Variants in BMAL2 observed in about 807,000 individuals in gnomAD.
The protein encoded by BMAL2 is basic helix-loop-helix ARNT-like protein 2.
chr12:27,372,955 G>C, the BMAL2 span, among the ~76,000 whole-genome samples: 1 of 152,180 alleles, frequency 6.6e-6, no homozygotes, highest in East Asian at 1.9e-4. Context: ...TTACAGGCGT[G>C]AGCCACTGCG....
chr12:27,333,513 TTTC>T, the BMAL2 span, among the ~76,000 whole-genome samples: 1 of 152,258 alleles, frequency 6.6e-6, no homozygotes, highest in African/African-American at 2.4e-5. Flanking sequence ...ACTTCCTATA[TTTC>T]TTCTTTCTTT....
chr12:27,420,471 T>C, the BMAL2 span: 1 of 1,613,800 alleles, frequency 6.2e-7, no homozygotes, highest in Non-Finnish European at 8.5e-7. Context: ...ATGAATTACT[T>C]AGAAGCAGAG....
chr12:27,406,543 C>T, the BMAL2 span, among the ~76,000 whole-genome samples: 2 of 152,150 alleles, frequency 1.3e-5, no homozygotes, highest in African/African-American at 4.8e-5. Context: ...CAAGCAAATG[C>T]TGAGAAATTT....
the BMAL2 span, among the ~76,000 whole-genome samples, chr12:27,361,357 A>T: frequency 6.6e-6 from 1 of 152,214 alleles, no homozygotes; most frequent in Middle Eastern, 3.2e-3. Context: ...GTGGAGTGAG[A>T]TTTAATGCTA....
At chr12:27,376,210 C>A in the BMAL2 span, 1 of 722,688 alleles carries the variant, frequency 1.4e-6, no homozygotes, top group Admixed American at 2.7e-5. Context: ...ATTAGGTGCT[C>A]AAGGGAGCAT....
At chr12:27,336,537 C>T in the BMAL2 span, among the ~76,000 whole-genome samples, 24 of 152,280 alleles carry the variant, frequency 1.6e-4, no homozygotes, top group South Asian at 5.0e-3. Flanking sequence ...CCTGCCGCAC[C>T]CTGTTTCCTT....
the BMAL2 span, among the ~76,000 whole-genome samples, chr12:27,348,815 A>G: frequency 4.3e-4 from 65 of 152,230 alleles, 1 homozygote; most frequent in African/African-American, 1.4e-3. Flanking sequence ...ATAAGAACAC[A>G]TGGTTCCTGC....
the BMAL2 span, chr12:27,402,486 T>C: frequency 3.1e-6 from 2 of 646,952 alleles, no homozygotes; most frequent in Non-Finnish European, 5.1e-6. Context: ...CTGGTGGTGA[T>C]ACTAACAATA....
chr12:27,340,832 T>C, the BMAL2 span, among the ~76,000 whole-genome samples: 2 of 152,214 alleles, frequency 1.3e-5, no homozygotes, highest in Non-Finnish European at 2.9e-5. Flanking sequence ...CCCTCCCTGT[T>C]AACTGTATTC....
chr12:27,339,776 C>T, the BMAL2 span, among the ~76,000 whole-genome samples: 26 of 152,058 alleles, frequency 1.7e-4, no homozygotes, highest in Non-Finnish European at 3.4e-4. Flanking sequence ...AGGTGCACGC[C>T]GCCATAATAG....
the BMAL2 span, among the ~76,000 whole-genome samples, chr12:27,369,873 A>G: frequency 6.6e-6 from 1 of 152,228 alleles, no homozygotes; most frequent in Non-Finnish European, 1.5e-5. Flanking sequence ...AGCAAGCAAC[A>G]CTGAAGATTA....
chr12:27,412,609 T>C, the BMAL2 span, among the ~76,000 whole-genome samples: 2 of 152,092 alleles, frequency 1.3e-5, no homozygotes, highest in Non-Finnish European at 2.9e-5. Flanking sequence ...ATAGGACTTA[T>C]GGGACACTTT....
chr12:27,360,803 C>CAAAAAAAAAAAACAAAAAAAAAAAAAA, the BMAL2 span, among the ~76,000 whole-genome samples: 1 of 46,788 alleles, frequency 2.1e-5, no homozygotes. Context: ...GTGATTTGTC[C>CAAAAAAAAAAAACAAAAAAAAAAAAAA]AAAAAAAAAA....
At chr12:27,372,230 C>CAA in the BMAL2 span, among the ~76,000 whole-genome samples, 46,760 of 124,522 alleles carry the variant, frequency 0.38, 10,113 homozygotes, top group East Asian at 0.66. Context: ...GACTCTATCT[C>CAA]AAAAAAAAAA....
At chr12:27,369,967 T>C in the BMAL2 span, among the ~76,000 whole-genome samples, 3 of 152,150 alleles carry the variant, frequency 2.0e-5, no homozygotes, top group African/African-American at 7.2e-5. Context: ...ACACAGCTTG[T>C]TAGAATGCCT....
the BMAL2 span, among the ~76,000 whole-genome samples, chr12:27,413,546 C>A: frequency 1.3e-5 from 2 of 151,872 alleles, no homozygotes; most frequent in African/African-American, 4.8e-5. Context: ...CATACCACTA[C>A]AAAAAAATCA....
chr12:27,370,441 C>T, the BMAL2 span, among the ~76,000 whole-genome samples: 3 of 152,150 alleles, frequency 2.0e-5, no homozygotes, highest in Non-Finnish European at 2.9e-5. Flanking sequence ...TATATAGTGT[C>T]TTTCCCCAGG....
chr12:27,414,561 T>C, the BMAL2 span, among the ~76,000 whole-genome samples: 1 of 151,574 alleles, frequency 6.6e-6, no homozygotes, highest in Non-Finnish European at 1.5e-5. Context: ...AACCAGTGGG[T>C]CAAAGAAGAA....
chr12:27,420,442 CACAGCCATGGCTGCATTTATGAATT>C, the BMAL2 span: 1 of 1,613,876 alleles, frequency 6.2e-7, no homozygotes, highest in Admixed American at 1.7e-5. Context: ...ACAATGATGA[CACAGCCATGGCTGCATTTATGAATT>C]ACTTAGAAGC....
Sources: allele counts gnomAD v4.1 joint callset (sites outside exome capture counted in the v4.1 genomes callset), GRCh38; gene constraint gnomAD v4.1.1; transcripts MANE v1.5; gene names NCBI Gene and HGNC (gene_info 2026-07-23, HGNC 2026-07-21).